Variants in ZFYVE26 observed in about 807,000 individuals in gnomAD.
ZFYVE26 encodes zinc finger FYVE domain-containing protein 26.
A neutral mutation model predicts 276.5 loss-of-function variants in ZFYVE26; 181 were observed. That is an observed-to-expected ratio of 0.65 (90% CI 0.58 to 0.74). The LOEUF (loss-of-function observed/expected upper bound fraction) is 0.74. Among genes scored for constraint, ZFYVE26 ranks in the 30% least tolerant of loss-of-function variants. ZFYVE26 has a pLI of 0.00. For missense variants in ZFYVE26, 2,821 were observed against 3,097.9 expected (o/e 0.91, Z 2.12); for synonymous variants, 1,129 against 1,203.1 (o/e 0.94, Z 1.27).
In ZFYVE26 at chr14:67,747,133, C is replaced by T. The variant is rs374701918; in HGVS notation, c.*1303G>A. ...CAGTGAGAGGTTCAGAGCTGCAGAG[C>T]TTTCTTTAGGCCCCACATTTGCAAA... is the stretch of plus-strand genomic sequence containing the variant. On this transcript the variant is annotated 3_prime_UTR_variant, in exon 42 of 42. Transcript: ENST00000347230. 6 of 152,704 alleles carry T rather than the reference C, an allele frequency of 3.9e-5. No homozygotes were observed. The East Asian group carries it at 5.8e-4, about 15-fold the overall frequency. 9.5% of individuals were successfully genotyped at this position (152,704 alleles called of 1,614,324 possible).
chr14:67,742,304 A>T (rs1260073089), downstream of ZFYVE26, among the ~76,000 whole-genome samples: 1 of 152,224 alleles, frequency 6.6e-6, no homozygotes, highest in African/African-American at 2.4e-5. Flanking sequence ...AGGATGAAAA[A>T]GTTCTGGAGA....
intron 19 of ZFYVE26, among the ~76,000 whole-genome samples, chr14:67,784,744 A>G (rs2039604100): frequency 6.6e-6 from 1 of 152,214 alleles, no homozygotes; most frequent in African/African-American, 2.4e-5. Context: ...TGTGGACTTA[A>G]GAATCTGGTA....
At chr14:67,735,143 C>A in intron 13 of ZFYVE26, 2 of 858,634 alleles carry the variant, frequency 2.3e-6, no homozygotes, top group Non-Finnish European at 4.1e-6. Context: ...GTTGATTCGA[C>A]ATGTTGTTGG....
chr14:67,793,787 C>G (rs749108415), intron 13 of ZFYVE26, 28 bp from the exon 14 acceptor site: 1 of 1,613,494 alleles, frequency 6.2e-7, no homozygotes, highest in Non-Finnish European at 8.5e-7. Context: ...TGTGTGGGGC[C>G]AGAGAAGCAA....
At position 67,747,793 on chromosome 14, in the gene ZFYVE26, G is replaced by C. The variant is rs935100696; in HGVS notation, c.*643C>G. The C allele has an allele frequency of 1.3e-5, 2 of 154,552 alleles. No individual in the cohort carries two copies. Among genetic ancestry groups the C allele is most frequent in the African/African-American group, 4.8e-5 (2 of 41,392 alleles). 9.6% of individuals were successfully genotyped at this position (154,552 alleles called of 1,614,324 possible). ...CTGCACCTGAAAACCCTTCTATTCA[G>C]ACTACCTTCCAAAGACTCCAGGACT... is the stretch of plus-strand genomic sequence containing the variant. On this transcript the variant is annotated 3_prime_UTR_variant, in exon 42 of 42. Transcript: ENST00000347230.
In ZFYVE26 at chr14:67,790,849, C is replaced by G. The variant is rs1050255553; in HGVS notation, c.2554-76G>C. ...GAATGTCCATGGATAGGAGATCTTGCCAACCATTAGACTGTGGCCCTAAGA... is the reference window on the plus strand; with the variant it reads ...GAATGTCCATGGATAGGAGATCTTGGCAACCATTAGACTGTGGCCCTAAGA... On this transcript the variant is annotated intron_variant, in intron 14 of 41. Transcript: ENST00000347230. The G allele has an allele frequency of 2.8e-5, 39 of 1,380,028 alleles. No homozygotes were observed. The African/African-American group carries it at 5.1e-4, about 18-fold the overall frequency. The allele number at this position is 1,380,028 out of a possible 1,614,324, so 85.5% of individuals were successfully genotyped here.
rs535030725 is a variant in ZFYVE26 at position 67,786,353 on chromosome 14, T to C, written c.3020-120A>G. On this transcript the variant is annotated intron_variant, in intron 16 of 41. Coordinates refer to ENST00000347230, the MANE Select transcript of ZFYVE26 (RefSeq NM_015346.4). Reference sequence around the variant, plus strand: ...ATCCTCTCCAATATTAAGGAGGAAATACATGCTGTGCCATTTTGGGTGACA... The same window carrying C: ...ATCCTCTCCAATATTAAGGAGGAAACACATGCTGTGCCATTTTGGGTGACA... The C allele has an allele frequency of 1.8e-4, 226 of 1,279,350 alleles. 1 individual carries two copies. In the African/African-American group the frequency reaches 3.1e-3, roughly 17 times the overall value. 79.2% of individuals were successfully genotyped at this position (1,279,350 alleles called of 1,614,324 possible).
At position 67,789,375 on chromosome 14, in the gene ZFYVE26, C is replaced by G. The variant is rs2039749246; in HGVS notation, c.2979G>C (p.Glu993Asp). The part of the protein sequence containing the change: ...QLWKTCKQLL[E>D]TAERRLNSSL... ...TACTATTCAAACGCCGTTCGGCTGT[C>G]TCCAAAAGCTGCTTGCAGGTTTTCC... The change falls in exon 16 of 42, where the codon GAG becomes GAC. Residue 993 changes from glutamate to aspartate, a missense_variant. By Grantham distance (45) the Glu-to-Asp change is conservative. Transcript: ENST00000347230. 2 of 1,614,230 alleles carry G rather than the reference C, an allele frequency of 1.2e-6. No homozygotes were observed. The highest frequency in any genetic ancestry group is 4.5e-5 in the East Asian group (2 of 44,880).
In ZFYVE26 at chr14:67,790,629, G is replaced by A. The variant is rs756918932; in HGVS notation, c.2698C>T (p.Arg900Trp). 6 of 1,614,020 alleles carry A rather than the reference G, an allele frequency of 3.7e-6. No homozygotes were observed. The African/African-American group carries it at 4.0e-5, about 11-fold the overall frequency. ...GTTGAGCGGCCACTGCCAGTTCTCCGAATGGTGCTGCTACCCGCATCTGAG... is the reference window on the plus strand; with the variant it reads ...GTTGAGCGGCCACTGCCAGTTCTCCAAATGGTGCTGCTACCCGCATCTGAG... ...QNSDAGSSTI[R>W]RTGSGRSTLQ... The change falls in exon 15 of 42, where the codon CGG becomes TGG. Residue 900 changes from arginine to tryptophan, a missense_variant. Physicochemically the swap from Arg to Trp is moderately radical, Grantham distance 101. Coordinates refer to ENST00000347230, the MANE Select transcript of ZFYVE26 (RefSeq NM_015346.4).
intron 12 of ZFYVE26, among the ~76,000 whole-genome samples, chr14:67,795,742 A>G (rs143198347): frequency 4.6e-5 from 7 of 152,330 alleles, no homozygotes; most frequent in African/African-American, 1.7e-4. Flanking sequence ...AAAAGCCTAT[A>G]AGTGGAATCA....
chr14:67,777,193 A>AT (rs932950523), intron 25 of ZFYVE26, among the ~76,000 whole-genome samples: 7 of 152,284 alleles, frequency 4.6e-5, no homozygotes, highest in Non-Finnish European at 8.8e-5. Flanking sequence ...ATAACCTGGT[A>AT]TTTTTTTCTT....
intron 30 of ZFYVE26, 26 bp from the exon 31 acceptor site, chr14:67,767,866 G>A: frequency 6.2e-7 from 1 of 1,614,018 alleles, no homozygotes; most frequent in Non-Finnish European, 8.5e-7. Context: ...CCATTCATGT[G>A]TCATTCACTG....
chr14:67,789,422 C>A lies in ZFYVE26; in HGVS notation c.2932G>T (p.Ala978Ser). 2 of 1,614,186 alleles carry A rather than the reference C, an allele frequency of 1.2e-6. No individual in the cohort carries two copies. Among genetic ancestry groups the A allele is most frequent in the Non-Finnish European group, 1.7e-6 (2 of 1,180,014 alleles). Residue 978 changes from alanine to serine, a missense_variant, in exon 16 of 42, where the codon GCT becomes TCT. Ala to Ser is a moderately conservative substitution (Grantham distance 99). Coordinates refer to ENST00000347230, the MANE Select transcript of ZFYVE26 (RefSeq NM_015346.4). Reference protein sequence around the residue: ...SPPAMAAFDLACSQCQLWKTC... With the variant: ...SPPAMAAFDLSCSQCQLWKTC... Reference sequence around the variant, plus strand: ...TTCCAGAGCTGGCACTGAGAGCAAGCTAGGTCAAATGCAGCCATGGCAGGG... The same window carrying A: ...TTCCAGAGCTGGCACTGAGAGCAAGATAGGTCAAATGCAGCCATGGCAGGG...
In ZFYVE26 at chr14:67,780,255, T is replaced by A. The variant is rs771127828; in HGVS notation, c.4660A>T (p.Ile1554Phe). 11 of 1,613,928 alleles carry A rather than the reference T, an allele frequency of 6.8e-6. No homozygotes were observed. In the South Asian group the frequency reaches 1.2e-4, roughly 18 times the overall value. ...GAAAACGGTACCTGTGCTTCTAGAATCATGTTCATGACAGTTGATGGGTCC... is the reference window on the plus strand; with the variant it reads ...GAAAACGGTACCTGTGCTTCTAGAAACATGTTCATGACAGTTGATGGGTCC... ...VEDPSTVMNM[I>F]LEAQEYELCE... Residue 1554 changes from isoleucine (I) to phenylalanine (F), a missense_variant, in exon 23 of 42, where the codon ATT becomes TTT. Physicochemically the swap from Ile to Phe is conservative, Grantham distance 21 (BLOSUM62 0). Transcript: ENST00000347230.
At chr14:67,762,628 C>T (rs1464958663) in intron 33 of ZFYVE26, 44 bp downstream of exon 33, 2 of 1,609,958 alleles carry the variant, frequency 1.2e-6, no homozygotes, top group Non-Finnish European at 1.7e-6. Context: ...AAGCAACTTG[C>T]TACAGTGGGG....
rs2039570527 is a variant in ZFYVE26, at chr14:67,783,638, TCA to T, written c.3627-115_3627-114del. Reference sequence around the variant, plus strand: ...AAATGTAAATAAAAGTTCCTAATTGTCACACTCTTTTTTTAAAACACAAAAAG... The same window carrying T: ...AAATGTAAATAAAAGTTCCTAATTGTCACTCTTTTTTTAAAACACAAAAAG... On this transcript the variant is annotated intron_variant, in intron 20 of 41. Transcript: ENST00000347230. 8 of 1,386,388 alleles carry T rather than the reference TCA, an allele frequency of 5.8e-6. No homozygotes were observed. The East Asian group carries it at 1.2e-4, about 21-fold the overall frequency. The allele number at this position is 1,386,388 out of a possible 1,614,324, so 85.9% of individuals were successfully genotyped here. A position where few individuals can be genotyped will look rare whatever the true frequency, so the allele number is the denominator to read the frequency against.
chr14:67,803,158 C>G (rs2040111702), intron 9 of ZFYVE26, among the ~76,000 whole-genome samples: 1 of 152,090 alleles, frequency 6.6e-6, no homozygotes, highest in African/African-American at 2.4e-5. Flanking sequence ...GAGTTTGAGA[C>G]TAGCCTGGGC....
chr14:67,780,445 G>GC, intron 22 of ZFYVE26, 100 bp from the exon 23 acceptor site: 1 of 1,083,882 alleles, frequency 9.2e-7, no homozygotes, highest in Non-Finnish European at 1.4e-6. Context: ...CTAGATCTCT[G>GC]CCCCAAAGTC....
chr14:67,729,400 T>G (rs1275281772), exon 14 of ZFYVE26: 1 of 1,595,490 alleles, frequency 6.3e-7, no homozygotes, highest in South Asian at 1.1e-5. Flanking sequence ...GGCAATGCGG[T>G]TCTCTCCACC....
Sources: gnomAD v4.1 joint callset for allele counts (sites outside exome capture counted in the v4.1 genomes callset) on GRCh38, gnomAD v4.1.1 for gene constraint, MANE v1.5 for transcripts, NCBI Gene and HGNC (gene_info 2026-07-23, HGNC 2026-07-21) for gene names.